Variants in SLC25A40 observed in about 807,000 individuals in gnomAD.
SLC25A40 encodes the protein mitochondrial glutathione transporter SLC25A40.
A neutral mutation model predicts 46.5 loss-of-function variants in SLC25A40; 41 were observed. The ratio of observed to expected loss-of-function variants is 0.88; its 90% CI spans 0.69 to 1.14. The LOEUF (loss-of-function observed/expected upper bound fraction) is 1.14. Among genes scored for constraint, SLC25A40 ranks in the 50% most tolerant of loss-of-function variants. The pLI, the probability that SLC25A40 is intolerant of heterozygous loss-of-function variation, is 0.00. For missense variants in SLC25A40, 386 were observed against 393.6 expected (o/e 0.98, Z 0.16); for synonymous variants, 126 against 127.5 (o/e 0.99, Z 0.08).
At chr7:87,850,059 A>T (rs1838485388) in intron 5 of SLC25A40, 111 bp from the exon 6 acceptor site, 1 of 698,204 alleles carries the variant, frequency 1.4e-6, no homozygotes, top group Non-Finnish European at 2.3e-6. Context: ...TATCTAAAAA[A>T]ATAAGCTTTT....
At chr7:87,859,583 C>G (rs1012306601) in intron 2 of SLC25A40, among the ~76,000 whole-genome samples, 1 of 152,100 alleles carries the variant, frequency 6.6e-6, no homozygotes, top group African/African-American at 2.4e-5. Context: ...AACACACGTA[C>G]ACTTATGTGT....
At position 87,876,307 on chromosome 7, in the gene SLC25A40, C is replaced by G. The variant is rs1243425017; in HGVS notation, c.-305G>C. ...GACTGAGAGAGCAACGGAATGGAGG[C>G]GGGGTAGAGGCGGAAACACAACCTG... On this transcript the variant is annotated 5_prime_UTR_variant, in exon 1 of 12. Coordinates refer to ENST00000341119, the MANE Select transcript of SLC25A40 (RefSeq NM_018843.4). The G allele has an allele frequency of 6.1e-6, 1 of 163,008 alleles. No homozygotes were observed. The highest frequency in any genetic ancestry group is 1.3e-5 in the Non-Finnish European group (1 of 76,072). The allele number at this position is 163,008 out of a possible 1,614,324, so 10.1% of individuals were successfully genotyped here.
chr7:87,875,711 C>T (rs1056314867), intron 1 of SLC25A40, among the ~76,000 whole-genome samples: 1 of 152,152 alleles, frequency 6.6e-6, no homozygotes, highest in Admixed American at 6.5e-5. Context: ...TAAAAGAAAA[C>T]AGGTCTGAAT....
chr7:87,870,495 G>A (rs749235174), intron 1 of SLC25A40, among the ~76,000 whole-genome samples: 3 of 152,168 alleles, frequency 2.0e-5, no homozygotes, highest in Non-Finnish European at 2.9e-5. Context: ...TCCCCAGTGA[G>A]GACCCCACCC....
chr7:87,866,526 C>T (rs56018503), intron 1 of SLC25A40, among the ~76,000 whole-genome samples: 1 of 152,152 alleles, frequency 6.6e-6, no homozygotes, highest in African/African-American at 2.4e-5. Context: ...AAGACAGTTT[C>T]TGGGGTGCCA....
At chr7:87,868,551 C>A (rs1584339527) in intron 1 of SLC25A40, among the ~76,000 whole-genome samples, 1 of 152,194 alleles carries the variant, frequency 6.6e-6, no homozygotes, top group East Asian at 1.9e-4. Context: ...GGGGTTCCCA[C>A]AACTCCCTCT....
intron 10 of SLC25A40, among the ~76,000 whole-genome samples, chr7:87,838,951 G>A (rs971162215): frequency 2.0e-5 from 3 of 151,550 alleles, no homozygotes; most frequent in Admixed American, 6.6e-5. Flanking sequence ...CCTGTAAAGG[G>A]ACATTTAGGT....
In SLC25A40 at chr7:87,847,024, T is replaced by C; in HGVS notation, c.556A>G (p.Lys186Glu). The part of the protein sequence containing the change: ...YVELHRFVSK[K>E]VSEDGWISLW... ...GAAATCCAACCATCTTCAGATACTT[T>C]CTTGCTGACAAATCGATGCAGTTCC... The change falls in exon 8 of 12, where the codon AAA becomes GAA. Residue 186 changes from lysine (K) to glutamate (E), a missense_variant. Lys to Glu is a moderately conservative substitution (Grantham distance 56). Transcript: ENST00000341119. The C allele has an allele frequency of 6.2e-7, 1 of 1,613,890 alleles. No homozygotes were observed. Among genetic ancestry groups the C allele is most frequent in the Non-Finnish European group, 8.5e-7 (1 of 1,179,876 alleles).
Position 87,836,735 on chromosome 7 carries a change from A to T in SLC25A40, c.899T>A (p.Phe300Tyr), listed in dbSNP as rs1364965942. The T allele has an allele frequency of 1.3e-6, 2 of 1,534,270 alleles. No individual in the cohort carries two copies. The highest frequency in any genetic ancestry group is 2.9e-5 in the African/African-American group (2 of 69,706). Residue 300 changes from phenylalanine (F) to tyrosine (Y), a missense_variant, in exon 11 of 12, where the codon TTT becomes TAT. Coordinates refer to ENST00000341119, the MANE Select transcript of SLC25A40 (RefSeq NM_018843.4). ...IVAKNGFSGL[F>Y]SGLIPRLIKI... Reference sequence around the variant, plus strand: ...GGTAAAGCAAGTATTTTTACCTGAAAATAATCCGGAAAATCCATTTTTAGC... The same window carrying T: ...GGTAAAGCAAGTATTTTTACCTGAATATAATCCGGAAAATCCATTTTTAGC...
At chr7:87,873,355 C>T (rs915506454) in intron 1 of SLC25A40, among the ~76,000 whole-genome samples, 11 of 148,352 alleles carry the variant, frequency 7.4e-5, no homozygotes, top group African/African-American at 2.7e-4. Flanking sequence ...CTGATAATCA[C>T]AAAAAGTTGT....
Position 87,836,328 on chromosome 7 carries a change from G to C in SLC25A40, c.938C>G (p.Ala313Gly). The stretch of plus-strand genomic sequence containing the variant: ...ATATGTACTGATCATAATGGCACAA[G>C]CAGGAGCAATTTTAATTAAGCGAGG... Reference protein sequence around the residue: ...LIPRLIKIAPACAIMISTYEF... With the variant: ...LIPRLIKIAPGCAIMISTYEF... Residue 313 changes from alanine to glycine, a missense_variant, in exon 12 of 12, where the codon GCT (alanine) becomes GGT (glycine). Ala to Gly is a moderately conservative substitution (Grantham distance 60, BLOSUM62 0). Transcript: ENST00000341119. The C allele has an allele frequency of 6.4e-7, 1 of 1,558,244 alleles. No individual in the cohort carries two copies. The highest frequency in any genetic ancestry group is 2.4e-5 in the East Asian group (1 of 41,464).
intron 1 of SLC25A40, among the ~76,000 whole-genome samples, chr7:87,870,912 G>GT (rs1838886658): frequency 1.3e-5 from 2 of 152,176 alleles, no homozygotes; most frequent in Admixed American, 1.3e-4. Flanking sequence ...ACATGAACGT[G>GT]TAAAAGGCCA....
intron 9 of SLC25A40, chr7:87,842,009 CA>C: frequency 5.0e-6 from 2 of 398,360 alleles, no homozygotes. Flanking sequence ...CCAGCATTCA[CA>C]ATTTCTCACG....
At chr7:87,854,141 A>G (rs1838563443) in intron 5 of SLC25A40, 63 bp downstream of exon 5, 3 of 1,132,460 alleles carry the variant, frequency 2.6e-6, no homozygotes, top group Non-Finnish European at 4.0e-6. Flanking sequence ...CAATTAGAAA[A>G]TATTTCACAT....
chr7:87,844,311 A>T (rs1838380547), intron 8 of SLC25A40, among the ~76,000 whole-genome samples: 1 of 152,176 alleles, frequency 6.6e-6, no homozygotes, highest in African/African-American at 2.4e-5. Context: ...CATGTTAACA[A>T]AACCATGGGA....
rs1407412835 is a variant in SLC25A40, at chr7:87,854,078, A to C, written c.264+126T>G. The stretch of plus-strand genomic sequence containing the variant: ...TATGAAAAGGTTAACAAAGGGTTAA[A>C]AGCAAAGAAGTAGTTCCCTGTTCTC... On this transcript the variant is annotated intron_variant, in intron 5 of 11. Coordinates refer to ENST00000341119, the MANE Select transcript of SLC25A40 (RefSeq NM_018843.4). The C allele has an allele frequency of 1.1e-5, 7 of 666,190 alleles. No individual in the cohort carries two copies. The African/African-American group carries it at 1.3e-4, about 12-fold the overall frequency. The allele number at this position is 666,190 out of a possible 1,614,324, so 41.3% of individuals were successfully genotyped here. A position where few individuals can be genotyped will look rare whatever the true frequency, so the allele number is the denominator to read the frequency against.
intron 9 of SLC25A40, among the ~76,000 whole-genome samples, chr7:87,843,021 A>AT (rs1461896402): frequency 6.6e-6 from 1 of 151,910 alleles, no homozygotes; most frequent in African/African-American, 2.4e-5. Context: ...CTTGGCCTAG[A>AT]TTTTCTGAGA....
chr7:87,854,956 T>C (rs1838584719), intron 4 of SLC25A40, among the ~76,000 whole-genome samples: 2 of 151,990 alleles, frequency 1.3e-5, no homozygotes, highest in South Asian at 2.1e-4. Flanking sequence ...TGAGGCCAGT[T>C]TGATTTCAGC....
chr7:87,845,067 G>A (rs1229524303), intron 8 of SLC25A40, among the ~76,000 whole-genome samples: 3 of 152,096 alleles, frequency 2.0e-5, no homozygotes, highest in Non-Finnish European at 2.9e-5. Flanking sequence ...ACAGTAAGCC[G>A]TGACTGTGCC....
Sources: allele counts gnomAD v4.1 joint callset (sites outside exome capture counted in the v4.1 genomes callset), GRCh38; gene constraint gnomAD v4.1.1; transcripts MANE v1.5; gene names NCBI Gene and HGNC (gene_info 2026-07-23, HGNC 2026-07-21).